Variants in GNG7 observed in about 807,000 individuals in gnomAD.
GNG7 encodes the protein G protein subunit gamma 7, also known as guanine nucleotide-binding protein G(I)/G(S)/G(O) subunit gamma-7.
A neutral mutation model predicts 4.0 loss-of-function variants in GNG7; 1 was observed. The observed-to-expected ratio is 0.25, with a 90% CI of 0.09 to 1.18. The LOEUF is 1.18. GNG7 is among the 50% of genes most tolerant of loss of function. The probability of loss-of-function intolerance (pLI) is 0.50; values close to 1 mark genes in which losing one functional copy is unlikely to be tolerated. For missense variants in GNG7, 86 were observed against 91.9 expected (o/e 0.94, Z 0.26); for synonymous variants, 34 against 36.9 (o/e 0.92, Z 0.29).
intron 1 of GNG7, among the ~76,000 whole-genome samples, chr19:2,676,107 C>G (rs1186517127): frequency 1.3e-5 from 2 of 152,342 alleles, no homozygotes; most frequent in East Asian, 3.9e-4. Flanking sequence ...CCCAGGGGCG[C>G]CAAGAACCGC....
intron 2 of GNG7, among the ~76,000 whole-genome samples, chr19:2,640,819 G>A (rs1344079714): frequency 6.6e-6 from 1 of 152,080 alleles, no homozygotes; most frequent in Non-Finnish European, 1.5e-5. Flanking sequence ...TGTAGAGATG[G>A]GGTCTTGCTA....
chr19:2,552,471 G>A (rs1338633076), intron 3 of GNG7, among the ~76,000 whole-genome samples: 14 of 151,936 alleles, frequency 9.2e-5, no homozygotes, highest in African/African-American at 2.7e-4. Flanking sequence ...TACAACCTCC[G>A]CCTCCCGGGT....
intron 2 of GNG7, chr19:2,643,184 C>G (rs1982562766): frequency 2.2e-6 from 1 of 452,190 alleles, no homozygotes. Context: ...AGTCGGAGAC[C>G]TCTCCGGGCT....
rs1385305776 is a variant in GNG7 at position 2,608,762 on chromosome 19, G to C, written c.-78+37462C>G. Among the ~76,000 whole-genome samples, 3 of 152,188 alleles carry C rather than the reference G, an allele frequency of 2.0e-5. No homozygotes were observed. The East Asian group carries it at 5.8e-4, about 29-fold the overall frequency. On this transcript the variant is annotated intron_variant, in intron 2 of 4. Coordinates refer to ENST00000382159, the MANE Select transcript of GNG7 (RefSeq NM_052847.3). Reference sequence around the variant, plus strand: ...GGGTCTGCACTGAGGCTGTCAGGGGGCCTGCTGCGTTCCCCACTCCAGGTA... The same window carrying C: ...GGGTCTGCACTGAGGCTGTCAGGGGCCCTGCTGCGTTCCCCACTCCAGGTA...
chr19:2,525,988 T>TTTTTTTTA (rs1379871782), intron 3 of GNG7, among the ~76,000 whole-genome samples: 1 of 145,998 alleles, frequency 6.8e-6, no homozygotes. Context: ...TTTTTTTTTT[T>TTTTTTTTA]GAGACAGAGT....
chr19:2,594,716 C>T (rs2144805240), intron 2 of GNG7, among the ~76,000 whole-genome samples: 1 of 152,248 alleles, frequency 6.6e-6, no homozygotes, highest in South Asian at 2.1e-4. Context: ...CACAGAACCA[C>T]CCAATCAAAT....
intron 3 of GNG7, chr19:2,538,456 TC>T: frequency 4.2e-6 from 1 of 235,980 alleles, no homozygotes; most frequent in Non-Finnish European, 7.8e-6. Flanking sequence ...GACCCCCGTC[TC>T]TGCAAAAAAA....
rs919006074 is a variant in GNG7, at chr19:2,653,421, T to C, written c.-134-7141A>G. Among the ~76,000 whole-genome samples, 5 of 152,226 alleles carry C rather than the reference T, an allele frequency of 3.3e-5. No individual in the cohort carries two copies. Among genetic ancestry groups the C allele is most frequent in the African/African-American group, 1.2e-4 (5 of 41,560 alleles). ...CTGAGGTCCCAGGAGGCTGCACACATTGAAATCCACATCCTGAGTGGGGCG... is the reference window on the plus strand; with the variant it reads ...CTGAGGTCCCAGGAGGCTGCACACACTGAAATCCACATCCTGAGTGGGGCG... On this transcript the variant is annotated intron_variant, in intron 1 of 4. Transcript: ENST00000382159. The surrounding 1 kb of genome is among the most constrained non-coding windows in gnomAD (Gnocchi z 4.8).
chr19:2,550,321 G>A (rs573036334), intron 3 of GNG7, among the ~76,000 whole-genome samples: 70 of 152,284 alleles, frequency 4.6e-4, no homozygotes, highest in African/African-American at 1.5e-3. Context: ...GGGTTCAAGC[G>A]ATTCTCCTGC....
At chr19:2,578,827 T>C (rs1385519871) in intron 2 of GNG7, among the ~76,000 whole-genome samples, 1 of 152,078 alleles carries the variant, frequency 6.6e-6, no homozygotes, top group Non-Finnish European at 1.5e-5. Context: ...GGGAAACCGA[T>C]GCTAAAGGAT....
At chr19:2,573,366 AG>A (rs1301363712) in intron 2 of GNG7, among the ~76,000 whole-genome samples, 1 of 152,044 alleles carries the variant, frequency 6.6e-6, no homozygotes, top group Non-Finnish European at 1.5e-5. Context: ...CACAGTTCCG[AG>A]CCCACTCCCC....
At chr19:2,694,854 G>T (rs1432078369) in intron 1 of GNG7, among the ~76,000 whole-genome samples, 1 of 151,852 alleles carries the variant, frequency 6.6e-6, no homozygotes, top group Admixed American at 6.6e-5. Context: ...TGGAGTGGGT[G>T]GAGGCCAGGG....
intron 2 of GNG7, among the ~76,000 whole-genome samples, chr19:2,622,014 T>G (rs1464082584): frequency 6.6e-6 from 1 of 151,982 alleles, no homozygotes; most frequent in African/African-American, 2.4e-5. Flanking sequence ...CCTTCCTTCA[T>G]GCTGATCACC....
intron 3 of GNG7, among the ~76,000 whole-genome samples, chr19:2,530,718 T>G (rs1978555815): frequency 6.6e-6 from 1 of 151,984 alleles, no homozygotes; most frequent in Admixed American, 6.6e-5. Context: ...AGACCCTGTC[T>G]CAAAAAAGAA....
At chr19:2,553,838 A>G (rs1979450407) in intron 3 of GNG7, among the ~76,000 whole-genome samples, 1 of 147,422 alleles carries the variant, frequency 6.8e-6, no homozygotes, top group African/African-American at 2.5e-5. Context: ...ATTATATGTA[A>G]TATTGCATAC....
At chr19:2,623,103 C>G (rs1360978053) in intron 2 of GNG7, among the ~76,000 whole-genome samples, 2 of 152,180 alleles carry the variant, frequency 1.3e-5, no homozygotes, top group Non-Finnish European at 2.9e-5. Flanking sequence ...GCTGTAGTAT[C>G]AAACCCAGAA....
intron 2 of GNG7, chr19:2,643,175 G>A (rs1161989488): frequency 4.5e-6 from 2 of 448,684 alleles, no homozygotes; most frequent in East Asian, 7.2e-5. Flanking sequence ...GAAATGCAAA[G>A]TCGGAGACCT....
chr19:2,660,107 G>A (rs940111856), intron 1 of GNG7, among the ~76,000 whole-genome samples: 11 of 152,088 alleles, frequency 7.2e-5, no homozygotes, highest in African/African-American at 2.2e-4. Flanking sequence ...AGCCTCTGTC[G>A]GATTACTCAC....
At position 2,681,214 on chromosome 19, in the gene GNG7, T is replaced by C. The variant is rs183968073; in HGVS notation, c.-135+21432A>G. ...TTTTATTGTTTTTGAGACGGAGTCT[T>C]GCTCTGTTGCCCAGGCTGGAATGCA... On this transcript the variant is annotated intron_variant, in intron 1 of 4. Coordinates refer to ENST00000382159, the MANE Select transcript of GNG7 (RefSeq NM_052847.3). 2.6e-5 allele frequency among the ~76,000 whole-genome samples: 4 copies of C among 151,882 alleles called. No homozygotes were observed. In the East Asian group the frequency reaches 7.7e-4, roughly 29 times the overall value.
Sources: allele counts gnomAD v4.1 joint callset (sites outside exome capture counted in the v4.1 genomes callset), GRCh38; gene constraint gnomAD v4.1.1; non-coding constraint Gnocchi (gnomAD v3.1); transcripts MANE v1.5; gene names NCBI Gene and HGNC (gene_info 2026-07-23, HGNC 2026-07-21).